The following BCAR3 variants were observed in gnomAD, a reference collection of about 807,000 sequenced individuals.
BCAR3 encodes the protein breast cancer anti-estrogen resistance protein 3.
BCAR3 carries 37 observed loss-of-function variants against 80.1 expected under a neutral mutation model. That is an observed-to-expected ratio of 0.46 (90% CI 0.36 to 0.61). The LOEUF (loss-of-function observed/expected upper bound fraction) is 0.61, where lower values mean the gene tolerates loss of function less well. Among genes scored for constraint, BCAR3 ranks in the 20% least tolerant of loss-of-function variants. The pLI, the probability that BCAR3 is intolerant of heterozygous loss-of-function variation, is 0.00. For missense variants in BCAR3, 978 were observed against 1,068.2 expected, an observed-to-expected ratio of 0.92 and a Z score of 1.18; for synonymous variants, 389 against 418.9, an observed-to-expected ratio of 0.93 and a Z score of 0.87.
chr1:93,782,339 C>T (rs959250884), intron 2 of BCAR3, among the ~76,000 whole-genome samples: 1 of 152,080 alleles, frequency 6.6e-6, no homozygotes, highest in Non-Finnish European at 1.5e-5. Flanking sequence ...TGATTTTAGC[C>T]CTAGAGGAGA....
intron 3 of BCAR3, among the ~76,000 whole-genome samples, chr1:93,633,365 C>T (rs1675683687): frequency 6.6e-6 from 1 of 152,126 alleles, no homozygotes; most frequent in South Asian, 2.1e-4. Flanking sequence ...CACCATGTGG[C>T]CTAACTTTCC....
At chr1:93,808,264 C>T (rs749083551) in intron 2 of BCAR3, among the ~76,000 whole-genome samples, 2 of 151,774 alleles carry the variant, frequency 1.3e-5, no homozygotes, top group African/African-American at 4.8e-5. Context: ...TCAAAAAGAC[C>T]CACACATAGC....
At position 93,567,871 on chromosome 1, in the gene BCAR3, T is replaced by C; in HGVS notation, c.1975-20A>G. Reference sequence around the variant, plus strand: ...TGTGATCTGGAAGAAAGGTGGTGTTTTGGAAAAGGTTCTTTTTAAAATTAC... The same window carrying C: ...TGTGATCTGGAAGAAAGGTGGTGTTCTGGAAAAGGTTCTTTTTAAAATTAC... On this transcript the variant is annotated intron_variant, in intron 9 of 11. Coordinates refer to ENST00000260502, the MANE Select transcript of BCAR3 (RefSeq NM_003567.4). 6.3e-7 allele frequency: 1 copy of C among 1,592,746 alleles called. No homozygotes were observed. Among genetic ancestry groups the C allele is most frequent in the Non-Finnish European group, 8.6e-7 (1 of 1,160,650 alleles).
At chr1:93,562,838 T>C (rs1470196275) in intron 11 of BCAR3, among the ~76,000 whole-genome samples, 1 of 150,664 alleles carries the variant, frequency 6.6e-6, no homozygotes, top group East Asian at 2.0e-4. Context: ...ACATCTTCTC[T>C]CTCTCAGAAC....
intron 2 of BCAR3, among the ~76,000 whole-genome samples, chr1:93,829,595 A>G (rs1654487089): frequency 6.6e-6 from 1 of 151,680 alleles, no homozygotes; most frequent in Non-Finnish European, 1.5e-5. Flanking sequence ...TAACTCCTGT[A>G]TTACCTTGGC....
chr1:93,703,912 ACTAT>A (rs1649737762), intron 3 of BCAR3, among the ~76,000 whole-genome samples: 1 of 152,254 alleles, frequency 6.6e-6, no homozygotes, highest in Admixed American at 6.5e-5. Flanking sequence ...CTACAGCCAG[ACTAT>A]CTAATACAGG....
chr1:93,705,287 A>C (rs1649794277), intron 3 of BCAR3, among the ~76,000 whole-genome samples: 1 of 152,096 alleles, frequency 6.6e-6, no homozygotes, highest in African/African-American at 2.4e-5. Context: ...CCCTGGACCA[A>C]TTTACCCTGT....
intron 3 of BCAR3, among the ~76,000 whole-genome samples, chr1:93,687,994 T>C (rs1649034453): frequency 6.6e-6 from 1 of 152,186 alleles, no homozygotes; most frequent in South Asian, 2.1e-4. Context: ...TCATAACTAC[T>C]GATACAAAGA....
chr1:93,598,956 A>C (rs1674529313), intron 3 of BCAR3: 1 of 152,112 alleles, frequency 6.6e-6, no homozygotes, highest in Non-Finnish European at 1.5e-5. Context: ...TCTGGCTAGG[A>C]GGAGAGGGCT....
intron 2 of BCAR3, among the ~76,000 whole-genome samples, chr1:93,811,359 T>A (rs12406885): frequency 3.3e-5 from 5 of 152,064 alleles, no homozygotes; most frequent in Non-Finnish European, 7.4e-5. Flanking sequence ...CTGACTGATA[T>A]GGAATGCCTT....
chr1:93,800,762 A>G (rs2100788544), intron 2 of BCAR3, among the ~76,000 whole-genome samples: 1 of 152,258 alleles, frequency 6.6e-6, no homozygotes, highest in East Asian at 1.9e-4. Context: ...AAGTATGAGC[A>G]CTATAAAGTT....
At chr1:93,826,827 C>G (rs761753893) in intron 2 of BCAR3, among the ~76,000 whole-genome samples, 1 of 151,676 alleles carries the variant, frequency 6.6e-6, no homozygotes, top group South Asian at 2.1e-4. Context: ...TGTGCATGCA[C>G]GTGTGTGTGT....
At chr1:93,839,240 T>C (rs1234182486) in intron 2 of BCAR3, among the ~76,000 whole-genome samples, 1 of 152,174 alleles carries the variant, frequency 6.6e-6, no homozygotes, top group African/African-American at 2.4e-5. Context: ...TGAGCCGAGA[T>C]TGTGGCACTG....
At chr1:93,750,060 C>T (rs1036139069) in intron 2 of BCAR3, among the ~76,000 whole-genome samples, 1 of 152,134 alleles carries the variant, frequency 6.6e-6, no homozygotes, top group Non-Finnish European at 1.5e-5. Context: ...TGATATTTGG[C>T]ACCAGACCAA....
intron 2 of BCAR3, among the ~76,000 whole-genome samples, chr1:93,773,344 A>T (rs956014747): frequency 7.2e-5 from 11 of 152,370 alleles, no homozygotes; most frequent in African/African-American, 2.6e-4. Context: ...TTACAAGCTA[A>T]TGAATGCTTA....
chr1:93,845,395 A>G (rs1357509323), intron 2 of BCAR3, among the ~76,000 whole-genome samples: 1 of 150,418 alleles, frequency 6.6e-6, no homozygotes, highest in Non-Finnish European at 1.5e-5. Flanking sequence ...GGCTAATTTT[A>G]TCCATATGAG....
At chr1:93,687,398 C>A (rs1649012594) in intron 3 of BCAR3, among the ~76,000 whole-genome samples, 1 of 152,204 alleles carries the variant, frequency 6.6e-6, no homozygotes, top group African/African-American at 2.4e-5. Flanking sequence ...AACTCCGTCT[C>A]TTGGGTTCAA....
chr1:93,593,230 G>A (rs1334430259), intron 3 of BCAR3, among the ~76,000 whole-genome samples: 2 of 152,168 alleles, frequency 1.3e-5, no homozygotes. Context: ...ACCAGGAACC[G>A]CTTGCTGAAA....
chr1:93,635,850 A>G (rs1345577363), intron 3 of BCAR3, among the ~76,000 whole-genome samples: 6 of 152,188 alleles, frequency 3.9e-5, no homozygotes, highest in South Asian at 2.1e-4. Context: ...TGAGCTGGCT[A>G]ATTCAGAGCA....
Sources: gnomAD v4.1 joint callset for allele counts (sites outside exome capture counted in the v4.1 genomes callset) on GRCh38, gnomAD v4.1.1 for gene constraint, MANE v1.5 for transcripts, NCBI Gene and HGNC (gene_info 2026-07-23, HGNC 2026-07-21) for gene names.